The following SPDYE3 variants were observed in gnomAD, a reference collection of about 807,000 sequenced individuals.
SPDYE3 encodes speedy protein E3.
SPDYE3 carries 15 observed loss-of-function variants against 55.0 expected under a neutral mutation model. The ratio of observed to expected loss-of-function variants is 0.27; its 90% CI spans 0.18 to 0.42. The LOEUF (loss-of-function observed/expected upper bound fraction) is 0.42, where lower values mean the gene tolerates loss of function less well. Among genes scored for constraint, SPDYE3 ranks in the 10% least tolerant of loss-of-function variants. SPDYE3 has a pLI of 1.00. For synonymous variants in SPDYE3, 89 were observed against 229.9 expected, an observed-to-expected ratio of 0.39 and a Z score of 5.55; for missense variants, 236 against 576.7, an observed-to-expected ratio of 0.41 and a Z score of 6.05.
At chr7:100,315,132 GGCTGGGCACAGTA>G (rs1435789947) in intron 6 of SPDYE3, among the ~76,000 whole-genome samples, 2 of 151,692 alleles carry the variant, frequency 1.3e-5, no homozygotes, top group African/African-American at 4.8e-5. Flanking sequence ...GAAAAACCAA[GGCTGGGCACAGTA>G]GCTCATGCCT....
chr7:100,319,300 G>A (rs149595094), intron 8 of SPDYE3, among the ~76,000 whole-genome samples: 1 of 152,048 alleles, frequency 6.6e-6, no homozygotes, highest in Non-Finnish European at 1.5e-5. Flanking sequence ...CTCCTGCTTC[G>A]GCCTCCCAGT....
Position 100,319,701 on chromosome 7 carries a change from AG to A in SPDYE3, c.1486del (p.Ala496ProfsTer8). The A allele has an allele frequency of 6.2e-7, 1 of 1,614,168 alleles. No homozygotes were observed. The highest frequency in any genetic ancestry group is 8.5e-7 in the Non-Finnish European group (1 of 1,180,036). ...WFQLCRPMNP[R>X]ARKNCSQIAL... ...CCAGTTATGCCGTCCCATGAACCCGAGGGCCAGGAAGAACTGCTCTCAGATA... is the reference window on the plus strand; with the variant it reads ...CCAGTTATGCCGTCCCATGAACCCGAGGCCAGGAAGAACTGCTCTCAGATA... On this transcript the variant is annotated frameshift_variant, in exon 9 of 11. Transcript: ENST00000332397. LOFTEE classifies it high-confidence loss of function.
intron 2 of SPDYE3, among the ~76,000 whole-genome samples, chr7:100,309,707 T>G (rs1584995983): frequency 9.8e-5 from 9 of 92,278 alleles, no homozygotes; most frequent in South Asian, 3.2e-4. Context: ...GGTGAGAGAG[T>G]GAGACGCTGT....
At chr7:100,315,265 C>G (rs1025380970) in intron 6 of SPDYE3, among the ~76,000 whole-genome samples, 2 of 152,012 alleles carry the variant, frequency 1.3e-5, no homozygotes. Flanking sequence ...GCCCACAGAG[C>G]AAGACTCTGT....
At position 100,315,813 on chromosome 7, in the gene SPDYE3, C is replaced by T. The variant is rs767514425; in HGVS notation, c.1230C>T (p.Ala410=). Reference sequence around the variant, plus strand: ...ATCCTGTCATTAAAAGATTCCTGGCCTGGGACAAAGATCTGAGGGTGTCAG... The same window carrying T: ...ATCCTGTCATTAAAAGATTCCTGGCTTGGGACAAAGATCTGAGGGTGTCAG... ...LEDPVIKRFL[A]WDKDLRVSDK... Residue 410 remains alanine, a synonymous_variant, in exon 7 of 11, where the codon GCC becomes GCT. Transcript: ENST00000332397. 3.7e-6 allele frequency: 6 copies of T among 1,600,018 alleles called. No individual in the cohort carries two copies. The African/African-American group carries it at 8.0e-5, about 21-fold the overall frequency.
At position 100,309,636 on chromosome 7, in the gene SPDYE3, G is replaced by A. The variant is rs758983470; in HGVS notation, c.325+444G>A. On this transcript the variant is annotated intron_variant, in intron 2 of 10. Transcript: ENST00000332397. ...CTCGGGAGGCTGAGACAGGAGAATC[G>A]CTTGAGCCTGGGAGGAAGAGGGTGC... is the stretch of plus-strand genomic sequence containing the variant. Among the ~76,000 whole-genome samples the A allele has an allele frequency of 7.8e-3, 1,027 of 131,984 alleles. 46 individuals carry two copies. Among genetic ancestry groups the A allele is most frequent in the Non-Finnish European group, 0.014 (809 of 59,464 alleles). 86.6% of individuals were successfully genotyped at this position (131,984 alleles called of 152,430 possible).
rs897569931 is a variant in SPDYE3, at chr7:100,318,393, C to T, written c.1347-1172C>T. Among the ~76,000 whole-genome samples the T allele has an allele frequency of 2.6e-5, 4 of 152,288 alleles. No individual in the cohort carries two copies. In the East Asian group the frequency reaches 7.7e-4, roughly 29 times the overall value. ...TCCACCCTCTCTACAATCTCTACAA[C>T]CACACTGGCTCGCCATCTTGGTGTT... On this transcript the variant is annotated intron_variant, in intron 8 of 10. Coordinates refer to ENST00000332397, the MANE Select transcript of SPDYE3 (RefSeq NM_001004351.5).
chr7:100,315,379 T>C (rs376732520), intron 6 of SPDYE3, among the ~76,000 whole-genome samples: 1 of 152,302 alleles, frequency 6.6e-6, no homozygotes, highest in Middle Eastern at 3.4e-3. Context: ...AACTTAATGT[T>C]TCTTACTGAC....
At position 100,307,781 on chromosome 7, in the gene SPDYE3, G is replaced by A. The variant is rs1011334873; in HGVS notation, c.-105G>A. Reference sequence around the variant, plus strand: ...TCCACTCCTGACTTCTCCCAGCCTCGAGAATTGATAACACACTCTTCTGGA... The same window carrying A: ...TCCACTCCTGACTTCTCCCAGCCTCAAGAATTGATAACACACTCTTCTGGA... On this transcript the variant is annotated 5_prime_UTR_variant, in exon 1 of 11. Transcript: ENST00000332397. The A allele has an allele frequency of 6.7e-5, 96 of 1,434,730 alleles. No homozygotes were observed. The highest frequency in any genetic ancestry group is 2.0e-4 in the African/African-American group (14 of 70,004). 88.9% of individuals were successfully genotyped at this position (1,434,730 alleles called of 1,614,324 possible). A position where few individuals can be genotyped will look rare whatever the true frequency, so the allele number is the denominator to read the frequency against.
chr7:100,311,123 A>AAAG (rs1305095109), intron 3 of SPDYE3, among the ~76,000 whole-genome samples: 1 of 111,766 alleles, frequency 8.9e-6, no homozygotes, highest in Non-Finnish European at 1.8e-5. Context: ...AAAAAAAAAA[A>AAAG]AAGAAGAAGA....
At chr7:100,315,383 TACTG>T (rs1806077320) in intron 6 of SPDYE3, among the ~76,000 whole-genome samples, 1 of 152,212 alleles carries the variant, frequency 6.6e-6, no homozygotes, top group South Asian at 2.1e-4. Context: ...TAATGTTTCT[TACTG>T]ACTTTTCTAA....
intron 10 of SPDYE3, chr7:100,320,447 C>T: frequency 2.9e-6 from 3 of 1,025,502 alleles, no homozygotes; most frequent in Non-Finnish European, 3.7e-6. Context: ...GAGCACAGAG[C>T]ATGAGACTTC....
At chr7:100,314,323 C>T (rs1463473195) in intron 5 of SPDYE3, 15 of 528,890 alleles carry the variant, frequency 2.8e-5, no homozygotes, top group East Asian at 1.2e-4. Flanking sequence ...AACGATATGA[C>T]GCAGTGTTCT....
chr7:100,307,816 T>C lies in SPDYE3; in HGVS notation c.-70T>C, dbSNP rs1805856273. The C allele has an allele frequency of 2.0e-6, 3 of 1,515,610 alleles. No homozygotes were observed. The highest frequency in any genetic ancestry group is 2.5e-5 in the East Asian group (1 of 40,736). The allele number at this position is 1,515,610 out of a possible 1,614,324, so 93.9% of individuals were successfully genotyped here. A position where few individuals can be genotyped will look rare whatever the true frequency, so the allele number is the denominator to read the frequency against. ...AACACACTCTTCTGGATCCCAGCAG[T>C]GTCCAGAAGAAGACCAAGGACAGAA... On this transcript the variant is annotated 5_prime_UTR_variant, in exon 1 of 11. Transcript: ENST00000332397.
At chr7:100,315,216 T>G (rs1023525263) in intron 6 of SPDYE3, among the ~76,000 whole-genome samples, 2 of 151,932 alleles carry the variant, frequency 1.3e-5, no homozygotes, top group African/African-American at 4.8e-5. Flanking sequence ...GAGGCAGAGG[T>G]TGCAGTGAGC....
intron 8 of SPDYE3, among the ~76,000 whole-genome samples, chr7:100,318,769 G>A (rs1789505702): frequency 6.8e-6 from 1 of 148,128 alleles, no homozygotes; most frequent in Non-Finnish European, 1.5e-5. Flanking sequence ...CCCCTAAGCT[G>A]GAGTGCAGTG....
intron 10 of SPDYE3, chr7:100,320,251 G>C: frequency 8.6e-7 from 1 of 1,166,468 alleles, no homozygotes; most frequent in African/African-American, 1.6e-5. Context: ...CTGGGAGGTC[G>C]GGGCTGCAGG....
At chr7:100,320,294 G>A in intron 10 of SPDYE3, 1 of 1,089,286 alleles carries the variant, frequency 9.2e-7, no homozygotes, top group Non-Finnish European at 1.2e-6. Flanking sequence ...CTCCAGCCGG[G>A]GCGACAGAGT....
intron 6 of SPDYE3, among the ~76,000 whole-genome samples, chr7:100,315,153 C>T (rs1041850193): frequency 3.9e-5 from 6 of 151,976 alleles, no homozygotes; most frequent in East Asian, 1.9e-4. Flanking sequence ...GTAGCTCATG[C>T]CTGTAGTTCC....
Sources: allele counts gnomAD v4.1 joint callset (sites outside exome capture counted in the v4.1 genomes callset), GRCh38; gene constraint gnomAD v4.1.1; transcripts MANE v1.5; gene names NCBI Gene and HGNC (gene_info 2026-07-23, HGNC 2026-07-21).